LRBA: variants seen among roughly 807,000 people sequenced by gnomAD.
LRBA encodes lipopolysaccharide-responsive and beige-like anchor protein.
A neutral mutation model predicts 330.0 loss-of-function variants in LRBA; 176 were observed. The ratio of observed to expected loss-of-function variants is 0.53; its 90% CI spans 0.47 to 0.60. The LOEUF is 0.60. Ranked by LOEUF, LRBA falls within the 20% of genes least tolerant of loss-of-function variation. The pLI is 0.00. For missense variants in LRBA, 3,259 were observed against 3,444.8 expected (o/e 0.95, Z 1.35); for synonymous variants, 1,230 against 1,193.0 (o/e 1.03, Z -0.64).
At chr4:150,909,112 CT>C (rs528311925) in intron 9 of LRBA, among the ~76,000 whole-genome samples, 7 of 152,136 alleles carry the variant, frequency 4.6e-5, no homozygotes, top group East Asian at 1.9e-4. Flanking sequence ...TTCGTATATT[CT>C]TTTTTTAAAA....
chr4:150,715,574 G>A (rs1353920514), intron 36 of LRBA, among the ~76,000 whole-genome samples: 2 of 152,158 alleles, frequency 1.3e-5, no homozygotes, highest in Non-Finnish European at 2.9e-5. Context: ...ATTGTTTGGT[G>A]TACTTATAAA....
At chr4:150,327,811 C>T (rs1733490993) in intron 48 of LRBA, among the ~76,000 whole-genome samples, 1 of 152,062 alleles carries the variant, frequency 6.6e-6, no homozygotes, top group African/African-American at 2.4e-5. Context: ...TGGTGTATTC[C>T]CCACTTAACA....
chr4:150,265,445 C>T lies in LRBA; in HGVS notation c.*277G>A. 1 of 284,408 alleles carries T rather than the reference C, an allele frequency of 3.5e-6. No individual in the cohort carries two copies. The allele number at this position is 284,408 out of a possible 1,614,324, so 17.6% of individuals were successfully genotyped here. A position where few individuals can be genotyped will look rare whatever the true frequency, so the allele number is the denominator to read the frequency against. On this transcript the variant is annotated 3_prime_UTR_variant, in exon 57 of 57. Transcript: ENST00000651943. ...AGCTGGAATAAGTGGTTTACTTGCT[C>T]CACTGTATGTTTCCATAATTGGTGA...
At position 150,808,373 on chromosome 4, in the gene LRBA, C is replaced by A; in HGVS notation, c.5331G>T (p.Leu1777Phe). 1 of 1,611,406 alleles carries A rather than the reference C, an allele frequency of 6.2e-7. No individual in the cohort carries two copies. The highest frequency in any genetic ancestry group is 8.5e-7 in the Non-Finnish European group (1 of 1,178,142). The change falls in exon 32 of 57, where the codon TTG becomes TTT. Residue 1777 changes from leucine to phenylalanine, a missense_variant. Leu to Phe is a conservative substitution (Grantham distance 22). Transcript: ENST00000651943. The stretch of plus-strand genomic sequence containing the variant: ...CTGAATCAACTGTTGGAACTGAGGG[C>A]AATTTTGCATTAGATGATCTACTGC... ...SPGSRSSNAK[L>F]PSVPTVDSVS...
intron 20 of LRBA, 71 bp from the exon 21 acceptor site, chr4:150,868,376 A>G (rs1753004873): frequency 2.7e-6 from 3 of 1,122,514 alleles, no homozygotes; most frequent in South Asian, 4.5e-5. Flanking sequence ...TCATCCATCT[A>G]TTGCAATTTC....
At chr4:150,573,297 T>C (rs1770103281) in intron 40 of LRBA, among the ~76,000 whole-genome samples, 1 of 152,156 alleles carries the variant, frequency 6.6e-6, no homozygotes, top group African/African-American at 2.4e-5. Flanking sequence ...ACGCTACTCA[T>C]AAATTTTCAA....
intron 53 of LRBA, among the ~76,000 whole-genome samples, chr4:150,302,174 T>C (rs1005153095): frequency 2.6e-5 from 4 of 152,230 alleles, no homozygotes; most frequent in African/African-American, 9.6e-5. Context: ...GTATTCCACA[T>C]TGGCCTTTTA....
At chr4:150,734,444 C>A (rs2127139031) in intron 36 of LRBA, among the ~76,000 whole-genome samples, 1 of 152,060 alleles carries the variant, frequency 6.6e-6, no homozygotes, top group South Asian at 2.1e-4. Context: ...TTCAGATTTG[C>A]TGGTTGTATA....
At chr4:150,899,891 CA>C (rs1335842713) in intron 14 of LRBA, among the ~76,000 whole-genome samples, 157 bp downstream of exon 14, 4 of 152,042 alleles carry the variant, frequency 2.6e-5, no homozygotes, top group Non-Finnish European at 5.9e-5. Context: ...CAATTTAGGA[CA>C]AACTATTAAC....
intron 30 of LRBA, among the ~76,000 whole-genome samples, chr4:150,819,209 A>C (rs1419040351): frequency 6.6e-6 from 1 of 151,454 alleles, no homozygotes; most frequent in Non-Finnish European, 1.5e-5. Flanking sequence ...TTTAACATGC[A>C]TGTCTAGAAC....
chr4:150,786,254 CTT>C (rs34501190), intron 34 of LRBA, among the ~76,000 whole-genome samples: 10 of 137,114 alleles, frequency 7.3e-5, no homozygotes, highest in Admixed American at 1.5e-4. Flanking sequence ...TTTTGCATTT[CTT>C]TTTTTTTTTT....
At chr4:150,962,825 G>A (rs190158103) in intron 2 of LRBA, among the ~76,000 whole-genome samples, 4 of 147,632 alleles carry the variant, frequency 2.7e-5, no homozygotes, top group Admixed American at 6.6e-5. Flanking sequence ...GTGGTGGCAT[G>A]TGCCTATAAT....
chr4:150,872,500 C>T (rs1369401511), intron 18 of LRBA, among the ~76,000 whole-genome samples, 163 bp downstream of exon 18: 1 of 152,032 alleles, frequency 6.6e-6, no homozygotes, highest in Admixed American at 6.6e-5. Flanking sequence ...ATCCTGTTCA[C>T]TTAATTTTTA....
intron 47 of LRBA, among the ~76,000 whole-genome samples, chr4:150,394,275 T>C (rs952945288): frequency 6.6e-6 from 1 of 152,168 alleles, no homozygotes; most frequent in African/African-American, 2.4e-5. Context: ...GGGATTAATC[T>C]CCAAATATTC....
At chr4:150,696,719 G>A (rs975444381) in intron 36 of LRBA, among the ~76,000 whole-genome samples, 1 of 151,958 alleles carries the variant, frequency 6.6e-6, no homozygotes, top group African/African-American at 2.4e-5. Flanking sequence ...TAGGAATCAG[G>A]GAGAGGCTGG....
At chr4:150,340,837 A>T (rs1735431191) in intron 48 of LRBA, among the ~76,000 whole-genome samples, 1 of 152,224 alleles carries the variant, frequency 6.6e-6, no homozygotes, top group Non-Finnish European at 1.5e-5. Flanking sequence ...AGGAACAGAA[A>T]TGTCAGTGTG....
chr4:150,321,440 CAAGA>C lies in LRBA; in HGVS notation c.7453-76_7453-73del. 1 of 1,328,650 alleles carries C rather than the reference CAAGA, an allele frequency of 7.5e-7. No homozygotes were observed. The highest frequency in any genetic ancestry group is 1.0e-6 in the Non-Finnish European group (1 of 986,458). 82.3% of individuals were successfully genotyped at this position (1,328,650 alleles called of 1,614,324 possible). A position where few individuals can be genotyped will look rare whatever the true frequency, so the allele number is the denominator to read the frequency against. ...ACAAGAAGGAAAAGATGAAGAAAGACAAGAAAGAGAGGGGGTGCAGGAAAAGAAG... is the reference window on the plus strand; with the variant it reads ...ACAAGAAGGAAAAGATGAAGAAAGACAAGAGAGGGGGTGCAGGAAAAGAAG... On this transcript the variant is annotated intron_variant, in intron 49 of 56. Coordinates refer to ENST00000651943, the MANE Select transcript of LRBA (RefSeq NM_001364905.1). This position sits in a 1 kb window ranked among gnomAD's most constrained non-coding sequence, Gnocchi z 4.5.
chr4:150,743,289 T>C (rs1279411032), intron 35 of LRBA, among the ~76,000 whole-genome samples: 1 of 152,198 alleles, frequency 6.6e-6, no homozygotes, highest in African/African-American at 2.4e-5. Context: ...AATAATGCGC[T>C]ATATGAACAT....
intron 40 of LRBA, among the ~76,000 whole-genome samples, chr4:150,587,122 A>T (rs1371379479): frequency 6.6e-6 from 1 of 152,194 alleles, no homozygotes; most frequent in Admixed American, 6.5e-5. Context: ...TGTGTGAGAC[A>T]TGATTTGTTT....
Sources: gnomAD v4.1 joint callset for allele counts (sites outside exome capture counted in the v4.1 genomes callset) on GRCh38, gnomAD v4.1.1 for gene constraint, Gnocchi (gnomAD v3.1) non-coding constraint, MANE v1.5 for transcripts, NCBI Gene and HGNC (gene_info 2026-07-23, HGNC 2026-07-21) for gene names.